The following DIAPH3 variants were observed in gnomAD, a reference collection of about 807,000 sequenced individuals.
The protein encoded by DIAPH3 is diaphanous related formin 3.
In DIAPH3, 117 loss-of-function variants were observed where a neutral mutation model predicts 144.3. The observed-to-expected ratio is 0.81, with a 90% CI of 0.70 to 0.95. DIAPH3 has a LOEUF of 0.95. Ranked by LOEUF, DIAPH3 falls within the 40% of genes least tolerant of loss-of-function variation. DIAPH3 has a pLI of 0.00. For synonymous variants in DIAPH3, 519 were observed against 488.9 expected (o/e 1.06, Z -0.81); for missense variants, 1,421 against 1,412.7 (o/e 1.01, Z -0.09).
chr13:60,054,701 C>T (rs150789254), intron 4 of DIAPH3, among the ~76,000 whole-genome samples: 2 of 152,096 alleles, frequency 1.3e-5, no homozygotes, highest in East Asian at 3.9e-4. Flanking sequence ...AGGGTAAGCA[C>T]AGTTGCTGCC....
chr13:59,833,729 T>C (rs909158403), intron 23 of DIAPH3, among the ~76,000 whole-genome samples: 1 of 151,728 alleles, frequency 6.6e-6, no homozygotes, highest in African/African-American at 2.4e-5. Flanking sequence ...TGTGGGCAAG[T>C]GCCTTCATGT....
chr13:59,746,850 T>C (rs2036730680), intron 27 of DIAPH3, among the ~76,000 whole-genome samples: 1 of 152,208 alleles, frequency 6.6e-6, no homozygotes, highest in African/African-American at 2.4e-5. Context: ...ATAATTTAAA[T>C]AGTGATAGTT....
chr13:60,083,290 G>A (rs976495421), intron 4 of DIAPH3, among the ~76,000 whole-genome samples: 4 of 152,030 alleles, frequency 2.6e-5, no homozygotes, highest in Middle Eastern at 3.4e-3. Context: ...TTGAAAGCTG[G>A]CAAATAAAGG....
intron 4 of DIAPH3, among the ~76,000 whole-genome samples, chr13:60,050,239 A>C (rs927123041): frequency 1.3e-5 from 2 of 152,154 alleles, no homozygotes; most frequent in African/African-American, 4.8e-5. Flanking sequence ...TTGTGCAGAG[A>C]CCAGAATGAA....
chr13:59,765,054 G>A (rs1305860136), intron 27 of DIAPH3, among the ~76,000 whole-genome samples: 1 of 151,920 alleles, frequency 6.6e-6, no homozygotes, highest in African/African-American at 2.4e-5. Flanking sequence ...TCTTTCTCTT[G>A]GTGGCTCTGT....
chr13:60,081,223 T>C (rs1223815976), intron 4 of DIAPH3, among the ~76,000 whole-genome samples: 2 of 152,000 alleles, frequency 1.3e-5, no homozygotes, highest in Non-Finnish European at 2.9e-5. Flanking sequence ...GCATCCTGCA[T>C]AACTTTGAAA....
intron 20 of DIAPH3, among the ~76,000 whole-genome samples, chr13:59,903,611 T>TAA (rs60950452): frequency 7.1e-5 from 10 of 140,970 alleles, no homozygotes; most frequent in African/African-American, 2.1e-4. Context: ...TTCTATTCTT[T>TAA]AAAAAAAAAA....
rs372993055 is a variant in DIAPH3, at chr13:59,790,809, G to T, written c.3164-15986C>A. On this transcript the variant is annotated intron_variant, in intron 25 of 27. Coordinates refer to ENST00000400324, the MANE Select transcript of DIAPH3 (RefSeq NM_001042517.2). The stretch of plus-strand genomic sequence containing the variant: ...ACTTTCAATGAACTCATTAACAATT[G>T]TAAAAAAACTGGAGGCAAAAATGTG... Among the ~76,000 whole-genome samples, 19 of 152,172 alleles carry T rather than the reference G, an allele frequency of 1.2e-4. 1 individual carries two copies. In the East Asian group the frequency reaches 1.4e-3, roughly 11 times the overall value.
Position 59,913,383 on chromosome 13 carries a change from T to A in DIAPH3, c.2266-1547A>T, listed in dbSNP as rs560522976. On this transcript the variant is annotated intron_variant, in intron 19 of 27. Transcript: ENST00000400324. ...TAAATTCTGCACAGACAGGCACGCA[T>A]GCCCAGCTTCCCTCACAGCCCACAG... is the stretch of plus-strand genomic sequence containing the variant. Among the ~76,000 whole-genome samples, 19 of 152,298 alleles carry A rather than the reference T, an allele frequency of 1.2e-4. No individual in the cohort carries two copies. In the South Asian group the frequency reaches 3.7e-3, roughly 30 times the overall value.
intron 27 of DIAPH3, chr13:59,695,546 C>T (rs2033755884): frequency 1.3e-5 from 2 of 152,136 alleles, no homozygotes; most frequent in African/African-American, 2.4e-5. Context: ...TATTAAATGG[C>T]CATGGTCTCC....
intron 2 of DIAPH3, among the ~76,000 whole-genome samples, chr13:60,117,644 A>G (rs1275347715): frequency 6.6e-6 from 1 of 152,128 alleles, no homozygotes; most frequent in Non-Finnish European, 1.5e-5. Flanking sequence ...TTTTTAAAAG[A>G]GAGGTTACTA....
In DIAPH3 at chr13:59,924,834, G is replaced by A. The variant is rs762124184; in HGVS notation, c.2111C>T (p.Ser704Leu). 11 of 1,600,660 alleles carry A rather than the reference G, an allele frequency of 6.9e-6. No homozygotes were observed. Among genetic ancestry groups the A allele is most frequent in the Admixed American group, 5.1e-5 (3 of 59,396 alleles). Residue 704 changes from serine to leucine, a missense_variant, in exon 18 of 28, where the codon TCG (serine) becomes TTG (leucine). Physicochemically the swap from Ser to Leu is moderately radical, Grantham distance 145. Transcript: ENST00000400324. ...AAGTTCTTTAATTTTTTTCTTAATC[G>A]ATTTCTTCTCTTCAATATCTTCCTC... ...REEEDIEEKK[S>L]IKKKIKELKF...
intron 27 of DIAPH3, among the ~76,000 whole-genome samples, chr13:59,765,223 G>A (rs1471006257): frequency 6.6e-6 from 1 of 152,148 alleles, no homozygotes; most frequent in Non-Finnish European, 1.5e-5. Context: ...TTCATAGCAA[G>A]AAAATTAATT....
chr13:60,094,308 A>G (rs1293290031), intron 3 of DIAPH3, among the ~76,000 whole-genome samples: 1 of 152,236 alleles, frequency 6.6e-6, no homozygotes, highest in Non-Finnish European at 1.5e-5. Context: ...TTGTACTTAT[A>G]AAAACAGCTA....
rs1001054409 is a variant in DIAPH3 at position 59,980,801 on chromosome 13, G to A, written c.1539C>T (p.Tyr513=). The change falls in exon 14 of 28, where the codon TAC becomes TAT. Residue 513 remains tyrosine (Y), a synonymous_variant. Transcript: ENST00000400324. ...EEFEEKASEL[Y]KKFEKEFTDH... ...GTTAGTGAAAACTACTTACTTTCTT[G>A]TAAAGTTCTGATGCTTTCTCTTCAA... is the stretch of plus-strand genomic sequence containing the variant. 1.2e-6 allele frequency: 2 copies of A among 1,608,830 alleles called. No homozygotes were observed. The highest frequency in any genetic ancestry group is 1.7e-6 in the Non-Finnish European group (2 of 1,176,670).
intron 4 of DIAPH3, among the ~76,000 whole-genome samples, chr13:60,071,500 T>C (rs2057205654): frequency 6.6e-6 from 1 of 152,210 alleles, no homozygotes; most frequent in Admixed American, 6.5e-5. Context: ...TTAAGAACCA[T>C]TATTCTGCAT....
intron 2 of DIAPH3, among the ~76,000 whole-genome samples, chr13:60,118,513 C>A (rs1288017243): frequency 6.6e-6 from 1 of 152,146 alleles, no homozygotes; most frequent in African/African-American, 2.4e-5. Flanking sequence ...ATTATAGAAT[C>A]AATTCTATCC....
chr13:59,683,026 G>A (rs373366401), intron 27 of DIAPH3, among the ~76,000 whole-genome samples: 4 of 152,108 alleles, frequency 2.6e-5, no homozygotes, highest in African/African-American at 9.7e-5. Flanking sequence ...TTGGTGTACT[G>A]CAAGGCACAA....
chr13:60,095,437 T>C (rs1415023114), intron 3 of DIAPH3, among the ~76,000 whole-genome samples: 5 of 151,818 alleles, frequency 3.3e-5, no homozygotes, highest in African/African-American at 1.2e-4. Context: ...AGGGGGTGGG[T>C]CAATGTAAAT....
Sources: allele counts gnomAD v4.1 joint callset (sites outside exome capture counted in the v4.1 genomes callset), GRCh38; gene constraint gnomAD v4.1.1; transcripts MANE v1.5; gene names NCBI Gene and HGNC (gene_info 2026-07-23, HGNC 2026-07-21).